SHROOM3: variants seen among roughly 807,000 people sequenced by gnomAD.
SHROOM3 encodes the protein protein Shroom3.
Under a neutral mutation model 138.6 loss-of-function variants are expected in SHROOM3, and 47 were observed. The observed-to-expected ratio is 0.34, with a 90% CI of 0.27 to 0.43. The LOEUF is 0.43. Among genes scored for constraint, SHROOM3 ranks in the 20% least tolerant of loss-of-function variants. The pLI, the probability that SHROOM3 is intolerant of heterozygous loss-of-function variation, is 1.00. For missense variants in SHROOM3, 2,491 were observed against 2,596.5 expected, an observed-to-expected ratio of 0.96 and a Z score of 0.88; for synonymous variants, 1,062 against 1,063.3, an observed-to-expected ratio of 1.00 and a Z score of 0.02.
chr4:76,722,590 A>AT (rs1720583987), intron 3 of SHROOM3, among the ~76,000 whole-genome samples: 1 of 152,062 alleles, frequency 6.6e-6, no homozygotes, highest in South Asian at 2.1e-4. Context: ...AATAATCTAT[A>AT]TAACACCCCC....
At chr4:76,652,893 C>T (rs1735990401) in intron 2 of SHROOM3, among the ~76,000 whole-genome samples, 1 of 151,546 alleles carries the variant, frequency 6.6e-6, no homozygotes, top group Admixed American at 6.6e-5. Context: ...ATATGTTTAC[C>T]CTCACGATCC....
At chr4:76,436,749 C>T (rs924203253) in intron 1 of SHROOM3, among the ~76,000 whole-genome samples, 2 of 152,166 alleles carry the variant, frequency 1.3e-5, no homozygotes, top group African/African-American at 4.8e-5. Flanking sequence ...TCTGCCTCTC[C>T]TATTTATCTG....
chr4:76,460,910 C>T (rs1731128683), intron 1 of SHROOM3, among the ~76,000 whole-genome samples: 1 of 149,790 alleles, frequency 6.7e-6, no homozygotes. Context: ...GGAGAATCAC[C>T]TGATTCTGGG....
At chr4:76,572,299 G>T (rs1733849072) in intron 2 of SHROOM3, among the ~76,000 whole-genome samples, 1 of 152,202 alleles carries the variant, frequency 6.6e-6, no homozygotes, top group Non-Finnish European at 1.5e-5. Context: ...AAAGGAGTGA[G>T]TTCCCAATGG....
At chr4:76,727,239 T>G (rs972227050) in intron 3 of SHROOM3, among the ~76,000 whole-genome samples, 1 of 152,210 alleles carries the variant, frequency 6.6e-6, no homozygotes, top group African/African-American at 2.4e-5. Context: ...CTTTATTTTT[T>G]CTTTGAGGCT....
intron 2 of SHROOM3, among the ~76,000 whole-genome samples, chr4:76,593,720 C>G (rs981110508): frequency 6.6e-6 from 1 of 152,080 alleles, no homozygotes; most frequent in Non-Finnish European, 1.5e-5. Context: ...TATTAAAAAC[C>G]AAATTCTTCA....
At chr4:76,755,308 G>A (rs1721770479) in intron 7 of SHROOM3, 116 bp downstream of exon 7, 1 of 1,241,958 alleles carries the variant, frequency 8.1e-7, no homozygotes, top group Non-Finnish European at 1.1e-6. Context: ...TTTCTATACA[G>A]CTCAGCTCAG....
intron 5 of SHROOM3, among the ~76,000 whole-genome samples, chr4:76,746,835 G>T (rs1721454255): frequency 6.9e-6 from 1 of 144,382 alleles, no homozygotes. Context: ...TTATTATTTT[G>T]AGACGGAGTC....
intron 2 of SHROOM3, among the ~76,000 whole-genome samples, chr4:76,626,092 G>A (rs10029626): frequency 0.3 from 45,057 of 152,092 alleles, 7,041 homozygotes; most frequent in East Asian, 0.51. Flanking sequence ...GCTCTTTATA[G>A]CATTATATAG....
At chr4:76,544,808 G>A (rs1435299995) in intron 1 of SHROOM3, among the ~76,000 whole-genome samples, 1 of 152,180 alleles carries the variant, frequency 6.6e-6, no homozygotes, top group African/African-American at 2.4e-5. Flanking sequence ...CAGCATAGAC[G>A]TTGATGGAAC....
chr4:76,699,900 C>T (rs1473410562), intron 2 of SHROOM3, among the ~76,000 whole-genome samples: 2 of 152,118 alleles, frequency 1.3e-5, no homozygotes, highest in East Asian at 3.9e-4. Context: ...AGCTGAGGGT[C>T]TGAGCGTTGG....
intron 2 of SHROOM3, among the ~76,000 whole-genome samples, chr4:76,567,002 C>G (rs1733738558): frequency 6.6e-6 from 1 of 152,248 alleles, no homozygotes; most frequent in South Asian, 2.1e-4. Flanking sequence ...GTGCCGCTGT[C>G]TGTAGACCAG....
chr4:76,575,080 T>C (rs1029372519), intron 2 of SHROOM3, among the ~76,000 whole-genome samples: 3 of 152,198 alleles, frequency 2.0e-5, no homozygotes, highest in Admixed American at 2.0e-4. Flanking sequence ...ATCTTCTCAA[T>C]AGAATGAAGA....
chr4:76,699,028 C>T (rs1272547627), intron 2 of SHROOM3, among the ~76,000 whole-genome samples: 1 of 152,232 alleles, frequency 6.6e-6, no homozygotes, highest in Non-Finnish European at 1.5e-5. Flanking sequence ...CTTTCCACAT[C>T]CATCTCCCTT....
At chr4:76,634,132 C>T (rs564883863) in intron 2 of SHROOM3, among the ~76,000 whole-genome samples, 4 of 152,104 alleles carry the variant, frequency 2.6e-5, no homozygotes, top group Non-Finnish European at 5.9e-5. Context: ...GAAAGTGTCA[C>T]GTATGTACAC....
chr4:76,633,072 G>A (rs1045488347), intron 2 of SHROOM3, among the ~76,000 whole-genome samples: 7 of 152,060 alleles, frequency 4.6e-5, no homozygotes, highest in African/African-American at 1.7e-4. Flanking sequence ...GTGATCAATT[G>A]ACAATTGAAA....
At chr4:76,498,349 A>T (rs1286198029) in intron 1 of SHROOM3, among the ~76,000 whole-genome samples, 2 of 152,150 alleles carry the variant, frequency 1.3e-5, no homozygotes. Flanking sequence ...AGATAGATTA[A>T]CAGAGAGAGG....
At chr4:76,628,184 A>G (rs374782372) in intron 2 of SHROOM3, among the ~76,000 whole-genome samples, 36 of 152,326 alleles carry the variant, frequency 2.4e-4, no homozygotes, top group African/African-American at 7.2e-4. Flanking sequence ...TATAGAGTTA[A>G]CATTGATGTT....
At chr4:76,738,591 A>C (rs1053287154) in intron 4 of SHROOM3, among the ~76,000 whole-genome samples, 170 bp from the exon 5 acceptor site, 4 of 152,196 alleles carry the variant, frequency 2.6e-5, no homozygotes, top group Admixed American at 1.3e-4. Flanking sequence ...AGTTACTCCT[A>C]GCGATGACAC....
Sources: gnomAD v4.1 joint callset for allele counts (sites outside exome capture counted in the v4.1 genomes callset) on GRCh38, gnomAD v4.1.1 for gene constraint, MANE v1.5 for transcripts, NCBI Gene and HGNC (gene_info 2026-07-23, HGNC 2026-07-21) for gene names.